CIB1: variants seen among roughly 807,000 people sequenced by gnomAD.
CIB1 encodes calcium and integrin-binding protein 1.
In CIB1, 19 loss-of-function variants were observed where a neutral mutation model predicts 25.0. The ratio of observed to expected loss-of-function variants is 0.76; its 90% CI spans 0.53 to 1.12. The LOEUF (loss-of-function observed/expected upper bound fraction) is 1.12, where lower values mean the gene tolerates loss of function less well. Ranked by LOEUF, CIB1 falls within the 50% of genes most tolerant of loss-of-function variation. The pLI is 0.00. For missense variants in CIB1, 236 were observed against 242.6 expected (o/e 0.97, Z 0.18); for synonymous variants, 104 against 98.5 (o/e 1.06, Z -0.33).
chr15:90,245,938 A>T, the CIB1 span: 3 of 152,268 alleles, frequency 2.0e-5, no homozygotes, highest in African/African-American at 7.2e-5. Flanking sequence ...TATGGTAGGA[A>T]GTGCTGACCC....
chr15:90,258,585 T>C, the CIB1 span: 1 of 656,294 alleles, frequency 1.5e-6, no homozygotes, highest in South Asian at 1.9e-5. Flanking sequence ...TGGAGATCTC[T>C]ATGGCAGAGT....
At chr15:90,230,632 G>T in intron 6 of CIB1, 127 bp from the exon 7 acceptor site, 1 of 1,007,558 alleles carries the variant, frequency 9.9e-7, no homozygotes, top group Non-Finnish European at 1.5e-6. Context: ...AGCCCCCTCT[G>T]CAAGAACTCC....
the CIB1 span, chr15:90,241,367 C>T: frequency 6.2e-7 from 1 of 1,614,184 alleles, no homozygotes; most frequent in Non-Finnish European, 8.5e-7. Context: ...AAGAAGACAT[C>T]CTGGTGGTGA....
chr15:90,242,063 A>G, the CIB1 span: 5 of 1,597,448 alleles, frequency 3.1e-6, no homozygotes, highest in East Asian at 2.2e-5. Context: ...AGGAAGAGCA[A>G]TAATACTTCT....
chr15:90,255,742 G>A, the CIB1 span: 1 of 1,614,120 alleles, frequency 6.2e-7, no homozygotes, highest in Non-Finnish European at 8.5e-7. Context: ...CATACTAACT[G>A]GCTGTGTTTC....
chr15:90,256,196 A>G, the CIB1 span: 1 of 1,614,202 alleles, frequency 6.2e-7, no homozygotes, highest in Non-Finnish European at 8.5e-7. Flanking sequence ...ATATATCTGC[A>G]AGCCAGACAG....
chr15:90,241,563 C>T, the CIB1 span: 1 of 1,613,334 alleles, frequency 6.2e-7, no homozygotes, highest in African/African-American at 1.3e-5. Flanking sequence ...CCACCTCCAC[C>T]TGCATGGCTA....
At chr15:90,241,394 G>A in the CIB1 span, 1 of 1,613,942 alleles carries the variant, frequency 6.2e-7, no homozygotes. Context: ...TCAGCCCCCT[G>A]GAGTGGGGCC....
At chr15:90,264,044 T>TC in the CIB1 span, 2 of 1,534,672 alleles carry the variant, frequency 1.3e-6, no homozygotes, top group Non-Finnish European at 8.7e-7. Flanking sequence ...AGTGCCAGAA[T>TC]CAGGCTCACT....
In CIB1 at chr15:90,232,361, G is replaced by T. The variant is rs1299639922; in HGVS notation, c.87-34C>A. ...GAGAGGGGAACTGTCGGTGTTCTCA[G>T]CGATCGGTCTCCCTGTGTGTTCATT... On this transcript the variant is annotated intron_variant, in intron 2 of 6. Coordinates refer to ENST00000328649, the MANE Select transcript of CIB1 (RefSeq NM_006384.4). 1 of 1,576,250 alleles carries T rather than the reference G, an allele frequency of 6.3e-7. No homozygotes were observed. The highest frequency in any genetic ancestry group is 8.7e-7 in the Non-Finnish European group (1 of 1,154,908).
upstream of CIB1, chr15:90,234,340 T>C (rs1962586938): frequency 6.4e-6 from 1 of 156,482 alleles, no homozygotes; most frequent in Non-Finnish European, 1.4e-5. Context: ...TAGGGGCATC[T>C]GAGAAGTCAC....
At chr15:90,251,719 C>A in the CIB1 span, 1 of 1,005,394 alleles carries the variant, frequency 9.9e-7, no homozygotes, top group Non-Finnish European at 1.6e-6. Flanking sequence ...TTGCCTCTAA[C>A]CTGTACTGAG....
chr15:90,265,707 G>T, the CIB1 span: 6 of 1,613,114 alleles, frequency 3.7e-6, no homozygotes, highest in Middle Eastern at 1.8e-4. Flanking sequence ...GCTGGTTTGC[G>T]TCGACATGGC....
Position 90,233,691 on chromosome 15 carries a change from G to A in CIB1, c.64C>T (p.Leu22=). ...TACAGGAGGATCTCCTGCTTCGTCAGGAACGTCAAGTCCTGGAAGGCAAAG... is the reference window on the plus strand; with the variant it reads ...TACAGGAGGATCTCCTGCTTCGTCAAGAACGTCAAGTCCTGGAAGGCAAAG... ...LLAEYQDLTF[L]TKQEILLAHR... The change falls in exon 2 of 7, where the codon CTG becomes TTG. Residue 22 remains leucine (L), a synonymous_variant. Transcript: ENST00000328649. The A allele has an allele frequency of 2.5e-6, 4 of 1,577,046 alleles. No individual in the cohort carries two copies. Among genetic ancestry groups the A allele is most frequent in the Non-Finnish European group, 3.4e-6 (4 of 1,161,124 alleles).
the CIB1 span, chr15:90,257,732 ACT>A: frequency 6.2e-7 from 1 of 1,612,724 alleles, no homozygotes; most frequent in African/African-American, 1.3e-5. Context: ...GGTACTCCCT[ACT>A]CTGTTTTCTC....
chr15:90,263,134 C>T, the CIB1 span: 1 of 1,525,904 alleles, frequency 6.6e-7, no homozygotes, highest in African/African-American at 1.4e-5. Context: ...GAAAAAACTT[C>T]ATGAGAGTCG....
chr15:90,232,384 A>G, intron 2 of CIB1, 57 bp from the exon 3 acceptor site: 1 of 1,536,168 alleles, frequency 6.5e-7, no homozygotes, highest in South Asian at 1.2e-5. Context: ...CTGTGTGTTC[A>G]TTCCCACTCC....
At chr15:90,238,428 A>C (rs187615270), upstream of CIB1, 7 of 152,368 alleles carry the variant, frequency 4.6e-5, no homozygotes, top group African/African-American at 1.7e-4. Context: ...CATTAAACTT[A>C]GCTTGACTTT....
chr15:90,248,183 G>C, the CIB1 span, among the ~76,000 whole-genome samples: 1 of 152,150 alleles, frequency 6.6e-6, no homozygotes, highest in Non-Finnish European at 1.5e-5. Context: ...TGGGACTACA[G>C]GGCCTGCCAC....
Sources: allele counts gnomAD v4.1 joint callset (sites outside exome capture counted in the v4.1 genomes callset), GRCh38; gene constraint gnomAD v4.1.1; transcripts MANE v1.5; gene names NCBI Gene and HGNC (gene_info 2026-07-23, HGNC 2026-07-21).